Variants in MICU3 observed in about 807,000 individuals in gnomAD.
MICU3 encodes the protein mitochondrial calcium uptake 3.
MICU3 carries 62 observed loss-of-function variants against 66.5 expected under a neutral mutation model. The ratio of observed to expected loss-of-function variants is 0.93; its 90% CI spans 0.76 to 1.15. The LOEUF (loss-of-function observed/expected upper bound fraction) is 1.15, where lower values mean the gene tolerates loss of function less well. MICU3 is among the 50% of genes most tolerant of loss of function. The probability of loss-of-function intolerance (pLI) is 0.00; values close to 1 mark genes in which losing one functional copy is unlikely to be tolerated. For missense variants in MICU3, 779 were observed against 664.4 expected, an observed-to-expected ratio of 1.17 and a Z score of -1.90; for synonymous variants, 308 against 240.7, an observed-to-expected ratio of 1.28 and a Z score of -2.59.
rs1445591352 is a variant in MICU3 at position 17,090,495 on chromosome 8, G to C, written c.850-51G>C. Reference sequence around the variant, plus strand: ...TTCCTTTTTTCTTTTGCTGTACTTGGGTTCATTCTGAAATATGACACTTCA... The same window carrying C: ...TTCCTTTTTTCTTTTGCTGTACTTGCGTTCATTCTGAAATATGACACTTCA... On this transcript the variant is annotated intron_variant, in intron 7 of 14. Transcript: ENST00000318063. 2.6e-6 allele frequency: 4 copies of C among 1,526,112 alleles called. No homozygotes were observed. In the African/African-American group the frequency reaches 5.6e-5, roughly 21 times the overall value. The allele number at this position is 1,526,112 out of a possible 1,614,324, so 94.5% of individuals were successfully genotyped here.
In MICU3 at chr8:17,081,750, C is replaced by T. The variant is rs1563346597; in HGVS notation, c.694+10C>T. 1 of 937,006 alleles carries T rather than the reference C, an allele frequency of 1.1e-6. No individual in the cohort carries two copies. Among genetic ancestry groups the T allele is most frequent in the East Asian group, 2.9e-5 (1 of 34,068 alleles). The allele number at this position is 937,006 out of a possible 1,614,324, so 58.0% of individuals were successfully genotyped here. A position where few individuals can be genotyped will look rare whatever the true frequency, so the allele number is the denominator to read the frequency against. On this transcript the variant is annotated intron_variant, in intron 5 of 14. Transcript: ENST00000318063. ...TTATGTATTTTAACAAGTAAGTATA[C>T]TTATTGCTTTTATTTCTGGATGCAG...
At chr8:17,027,931 CT>C (rs993051899) in intron 1 of MICU3, among the ~76,000 whole-genome samples, 1 of 152,114 alleles carries the variant, frequency 6.6e-6, no homozygotes, top group African/African-American at 2.4e-5. Flanking sequence ...ACCCCTCCCC[CT>C]CTTACAAAAA....
At chr8:17,077,571 AATGTAGCCTCTTCATCATTTATTTT>A (rs1312981705) in intron 3 of MICU3, among the ~76,000 whole-genome samples, 187 bp from the exon 4 acceptor site, 1 of 152,176 alleles carries the variant, frequency 6.6e-6, no homozygotes, top group African/African-American at 2.4e-5. Flanking sequence ...AATTAAATTT[AATGTAGCCTCTTCATCATTTATTTT>A]ATGTTTGAAC....
chr8:17,088,538 C>T (rs965400377), intron 7 of MICU3, among the ~76,000 whole-genome samples: 2 of 151,746 alleles, frequency 1.3e-5, no homozygotes, highest in Non-Finnish European at 2.9e-5. Flanking sequence ...TAATAAAATA[C>T]TATTTAAGGA....
At chr8:17,099,416 C>T (rs1207961223) in intron 9 of MICU3, among the ~76,000 whole-genome samples, 1 of 151,840 alleles carries the variant, frequency 6.6e-6, no homozygotes, top group Middle Eastern at 3.4e-3. Context: ...GAGAAGTAAA[C>T]TGGAATCAGT....
chr8:17,086,831 T>C (rs1585418028), intron 6 of MICU3, 133 bp from the exon 7 acceptor site: 1 of 635,466 alleles, frequency 1.6e-6, no homozygotes, highest in East Asian at 2.9e-5. Flanking sequence ...AGAAAATAGA[T>C]CTATAGCAGT....
At chr8:17,064,514 A>G (rs1021280207) in intron 2 of MICU3, among the ~76,000 whole-genome samples, 1 of 152,142 alleles carries the variant, frequency 6.6e-6, no homozygotes, top group African/African-American at 2.4e-5. Flanking sequence ...CTTCATTCTT[A>G]TATCAAACCT....
At chr8:17,090,377 C>T (rs1490960968) in intron 7 of MICU3, among the ~76,000 whole-genome samples, 169 bp from the exon 8 acceptor site, 1 of 152,066 alleles carries the variant, frequency 6.6e-6, no homozygotes, top group African/African-American at 2.4e-5. Context: ...TGCTACTCAT[C>T]TTTAACATTT....
intron 7 of MICU3, among the ~76,000 whole-genome samples, chr8:17,090,005 G>T (rs1203642680): frequency 4.6e-5 from 7 of 152,054 alleles, no homozygotes; most frequent in Non-Finnish European, 1.5e-5. Context: ...TAAGCTCCAT[G>T]CTATACTCAT....
At chr8:17,067,287 TC>T (rs58454728) in intron 2 of MICU3, among the ~76,000 whole-genome samples, 5,890 of 152,272 alleles carry the variant, frequency 0.039, 383 homozygotes, top group African/African-American at 0.13. Flanking sequence ...TATTTAATCT[TC>T]TGTTTCCTCA....
intron 1 of MICU3, among the ~76,000 whole-genome samples, chr8:17,055,737 T>TCCCAGCC (rs1306010820): frequency 2.0e-5 from 3 of 152,180 alleles, no homozygotes; most frequent in Non-Finnish European, 2.9e-5. Context: ...TTGATCCCAC[T>TCCCAGCC]CCCAGCCCCT....
chr8:17,076,299 T>G (rs1820381639), intron 3 of MICU3, among the ~76,000 whole-genome samples: 1 of 152,146 alleles, frequency 6.6e-6, no homozygotes, highest in South Asian at 2.1e-4. Context: ...CCTCCCAAAG[T>G]GCTGAGATTA....
At chr8:17,127,893 T>C in the MICU3 span, among the ~76,000 whole-genome samples, 1 of 151,342 alleles carries the variant, frequency 6.6e-6, no homozygotes, top group Non-Finnish European at 1.5e-5. Context: ...GTAAAAATAA[T>C]TTTTTAAAAA....
At chr8:17,110,959 C>T (rs1802153837) in intron 11 of MICU3, among the ~76,000 whole-genome samples, 1 of 152,090 alleles carries the variant, frequency 6.6e-6, no homozygotes, top group Non-Finnish European at 1.5e-5. Context: ...AATAATAGTC[C>T]ATTTTATGTA....
At chr8:17,132,858 G>A in the MICU3 span, 1 of 152,200 alleles carries the variant, frequency 6.6e-6, no homozygotes, top group Non-Finnish European at 1.5e-5. Flanking sequence ...AAACGTAATA[G>A]TATTAAGAAA....
intron 8 of MICU3, among the ~76,000 whole-genome samples, chr8:17,094,616 C>T (rs1800466659): frequency 6.6e-6 from 1 of 151,862 alleles, no homozygotes; most frequent in African/African-American, 2.4e-5. Context: ...TGTTTACTTT[C>T]AAGTGACAGG....
At chr8:17,092,463 A>C (rs1800175265) in intron 8 of MICU3, among the ~76,000 whole-genome samples, 1 of 152,120 alleles carries the variant, frequency 6.6e-6, no homozygotes, top group East Asian at 1.9e-4. Flanking sequence ...TAAATAAAAA[A>C]TTATGATTTT....
chr8:17,082,576 C>G (rs1241923472), intron 5 of MICU3, among the ~76,000 whole-genome samples: 2 of 151,986 alleles, frequency 1.3e-5, no homozygotes, highest in African/African-American at 2.4e-5. Flanking sequence ...CTTTTTTGTT[C>G]ATCTCTGTAT....
chr8:17,029,561 T>C (rs1471687429), intron 1 of MICU3, among the ~76,000 whole-genome samples: 1 of 152,240 alleles, frequency 6.6e-6, no homozygotes, highest in Non-Finnish European at 1.5e-5. Flanking sequence ...AAATTTCTGT[T>C]CATTGTTTTA....
Sources: gnomAD v4.1 joint callset for allele counts (sites outside exome capture counted in the v4.1 genomes callset) on GRCh38, gnomAD v4.1.1 for gene constraint, MANE v1.5 for transcripts, NCBI Gene and HGNC (gene_info 2026-07-23, HGNC 2026-07-21) for gene names.